Variants in TXNRD2 observed in about 807,000 individuals in gnomAD.
TXNRD2 encodes thioredoxin reductase 2.
A neutral mutation model predicts 70.8 loss-of-function variants in TXNRD2; 67 were observed. The ratio of observed to expected loss-of-function variants is 0.95; its 90% CI spans 0.78 to 1.16. The LOEUF is 1.16. Among genes scored for constraint, TXNRD2 ranks in the 50% most tolerant of loss-of-function variants. The probability of loss-of-function intolerance (pLI) is 0.00; values close to 1 mark genes in which losing one functional copy is unlikely to be tolerated. For missense variants in TXNRD2, 644 were observed against 719.9 expected (o/e 0.89, Z 1.21); for synonymous variants, 301 against 295.8 (o/e 1.02, Z -0.18).
intron 13 of TXNRD2, 140 bp from the exon 14 acceptor site, chr22:19,880,411 C>A (rs1319014664): frequency 7.5e-6 from 7 of 933,522 alleles, no homozygotes; most frequent in Non-Finnish European, 1.2e-5. Context: ...AGGCGACCCA[C>A]CTGCCCACGC....
chr22:19,933,476 C>A, intron 1 of TXNRD2: 1 of 1,289,702 alleles, frequency 7.8e-7, no homozygotes, highest in Non-Finnish European at 1.0e-6. Context: ...CATAGCAGGG[C>A]CCTTGTTAGG....
chr22:19,909,091 G>A (rs9617848), intron 8 of TXNRD2, among the ~76,000 whole-genome samples: 5,576 of 151,462 alleles, frequency 0.037, 355 homozygotes, highest in African/African-American at 0.13. Flanking sequence ...CTGTAGTCCC[G>A]GCTACTCAGA....
At chr22:19,900,749 CA>C (rs35153715) in intron 8 of TXNRD2, among the ~76,000 whole-genome samples, 92,077 of 141,458 alleles carry the variant, frequency 0.65, 30,406 homozygotes, top group African/African-American at 0.88. Flanking sequence ...GACTCCATCA[CA>C]AAAAAAAAAA....
rs549252495 is a variant in TXNRD2, at chr22:19,878,886, C to T, written c.1276-449G>A. Among the ~76,000 whole-genome samples the T allele has an allele frequency of 1.3e-3, 191 of 152,316 alleles. 1 individual carries two copies. Among genetic ancestry groups the T allele is most frequent in the Non-Finnish European group, 1.5e-3 (104 of 68,026 alleles). On this transcript the variant is annotated intron_variant, in intron 14 of 17. Transcript: ENST00000400521. Reference sequence around the variant, plus strand: ...TGGAGCAAGGCCGCTGTGGCCACACCGGAGCCGGAGCTGTTGGACAAAGGC... The same window carrying T: ...TGGAGCAAGGCCGCTGTGGCCACACTGGAGCCGGAGCTGTTGGACAAAGGC...
chr22:19,923,116 C>T (rs1455893485), intron 2 of TXNRD2, among the ~76,000 whole-genome samples: 1 of 152,154 alleles, frequency 6.6e-6, no homozygotes, highest in Non-Finnish European at 1.5e-5. Context: ...CCCAAGTGGC[C>T]ATTTAATTTT....
chr22:19,920,976 A>G (rs1025347059), intron 2 of TXNRD2, among the ~76,000 whole-genome samples: 46 of 151,052 alleles, frequency 3.0e-4, no homozygotes, highest in African/African-American at 1.1e-3. Flanking sequence ...GCGTGGTGGC[A>G]GGTGCCTATA....
chr22:19,914,025 G>A (rs913849861), intron 7 of TXNRD2, among the ~76,000 whole-genome samples: 5 of 152,212 alleles, frequency 3.3e-5, no homozygotes, highest in African/African-American at 1.2e-4. Flanking sequence ...GGGGCAGAGG[G>A]AGAATCTGGT....
chr22:19,932,766 G>T (rs79103769), intron 1 of TXNRD2, among the ~76,000 whole-genome samples: 1,635 of 152,254 alleles, frequency 0.011, 28 homozygotes, highest in African/African-American at 0.036. Context: ...CGCTGCTTCA[G>T]ACAAGGCCAA....
chr22:19,891,078 T>G (rs998930248), intron 11 of TXNRD2, among the ~76,000 whole-genome samples: 5 of 152,256 alleles, frequency 3.3e-5, no homozygotes, highest in Non-Finnish European at 7.3e-5. Context: ...CCATGCTCCA[T>G]GCATGTTGTG....
At chr22:19,902,930 T>C (rs375071730) in intron 8 of TXNRD2, 18 of 518,796 alleles carry the variant, frequency 3.5e-5, no homozygotes, top group African/African-American at 3.5e-4. Flanking sequence ...ATGATCGCAG[T>C]ACCTGGCTGG....
chr22:19,907,992 GGA>G (rs2146008602), intron 8 of TXNRD2, among the ~76,000 whole-genome samples: 1 of 109,112 alleles, frequency 9.2e-6, no homozygotes, highest in South Asian at 5.0e-4. Flanking sequence ...ACAGCTCTCA[GGA>G]GAGTGTGGGC....
rs1555917218 is a variant in TXNRD2, at chr22:19,940,260, A to AAAAAAC, written c.103+1440_103+1441insGTTTTT. Among the ~76,000 whole-genome samples, 9 of 151,326 alleles carry AAAAAAC rather than the reference A, an allele frequency of 5.9e-5. 1 individual carries two copies. Among genetic ancestry groups the AAAAAAC allele is most frequent in the African/African-American group, 1.9e-4 (8 of 41,196 alleles). ...ACACTGTCTCAAAAAAAAAAAAAAA[A>AAAAAAC]AAAAAACCCCAAAAAAACAACTCAT... On this transcript the variant is annotated intron_variant, in intron 1 of 17. Transcript: ENST00000400521.
intron 2 of TXNRD2, among the ~76,000 whole-genome samples, chr22:19,921,980 G>A: frequency 6.6e-6 from 1 of 152,156 alleles, no homozygotes; most frequent in East Asian, 1.9e-4. Flanking sequence ...CAAATCTTTT[G>A]CAGAAGACCC....
chr22:19,915,141 G>T, intron 7 of TXNRD2, 73 bp downstream of exon 7: 1 of 1,438,976 alleles, frequency 6.9e-7, no homozygotes, highest in Non-Finnish European at 9.7e-7. Context: ...AAGCACGTGT[G>T]TAAAAACGTA....
chr22:19,939,825 G>T (rs1941640261), intron 1 of TXNRD2, among the ~76,000 whole-genome samples: 1 of 152,118 alleles, frequency 6.6e-6, no homozygotes, highest in Non-Finnish European at 1.5e-5. Context: ...ATAAAAAGAG[G>T]AGTAATAGGA....
rs539072627 is a variant in TXNRD2, at chr22:19,911,248, C to G, written c.662+129G>C. On this transcript the variant is annotated intron_variant, in intron 8 of 17. Coordinates refer to ENST00000400521, the MANE Select transcript of TXNRD2 (RefSeq NM_006440.5). ...ACCACACCTGGCCACAAATAACAGG[C>G]CTTTTTTCCTTCTTTTGGGTAAACC... The G allele has an allele frequency of 1.6e-4, 124 of 780,182 alleles. No individual in the cohort carries two copies. In the African/African-American group the frequency reaches 1.7e-3, roughly 11 times the overall value. 48.3% of individuals were successfully genotyped at this position (780,182 alleles called of 1,614,324 possible).
At chr22:19,941,598 G>GCACCCCCACGGGGA in intron 1 of TXNRD2, 103 bp downstream of exon 1, 1 of 1,339,276 alleles carries the variant, frequency 7.5e-7, no homozygotes, top group Non-Finnish European at 9.5e-7. Flanking sequence ...CCCCGCGTGG[G>GCACCCCCACGGGGA]CACCCCCACG....
At chr22:19,932,246 T>C (rs1324712337) in intron 1 of TXNRD2, 4 of 1,587,222 alleles carry the variant, frequency 2.5e-6, no homozygotes, top group Non-Finnish European at 3.4e-6. Flanking sequence ...GGTCTTGGTG[T>C]GCCCAGCTGC....
chr22:19,907,653 A>G (rs1438004582), intron 8 of TXNRD2, among the ~76,000 whole-genome samples: 4 of 15,472 alleles, frequency 2.6e-4, no homozygotes, highest in Non-Finnish European at 3.4e-4. Flanking sequence ...TGGGCGCACC[A>G]TGAGTAGCAG....
Sources: allele counts gnomAD v4.1 joint callset (sites outside exome capture counted in the v4.1 genomes callset), GRCh38; gene constraint gnomAD v4.1.1; transcripts MANE v1.5; gene names NCBI Gene and HGNC (gene_info 2026-07-23, HGNC 2026-07-21).